Variants in MEGF11 observed in about 807,000 individuals in gnomAD.
MEGF11 encodes the protein multiple epidermal growth factor-like domains protein 11.
Under a neutral mutation model 146.6 loss-of-function variants are expected in MEGF11, and 126 were observed. The ratio of observed to expected loss-of-function variants is 0.86; its 90% CI spans 0.74 to 1.00. The LOEUF (loss-of-function observed/expected upper bound fraction) is 1.00, where lower values mean the gene tolerates loss of function less well. Ranked by LOEUF, MEGF11 falls within the 50% of genes least tolerant of loss-of-function variation. MEGF11 has a pLI of 0.00. For synonymous variants in MEGF11, 532 were observed against 583.4 expected, an observed-to-expected ratio of 0.91 and a Z score of 1.27; for missense variants, 1,509 against 1,521.2, an observed-to-expected ratio of 0.99 and a Z score of 0.13.
chr15:66,092,145 C>A (rs2086348065), intron 5 of MEGF11, among the ~76,000 whole-genome samples: 2 of 152,194 alleles, frequency 1.3e-5, no homozygotes, highest in Non-Finnish European at 2.9e-5. Context: ...TAGATTTCCA[C>A]TGCAGAGAAG....
At chr15:66,211,491 T>C (rs2091450538) in intron 1 of MEGF11, among the ~76,000 whole-genome samples, 1 of 140,734 alleles carries the variant, frequency 7.1e-6, no homozygotes, top group African/African-American at 2.7e-5. Flanking sequence ...ACCACTGCAC[T>C]CCAGCCTGGG....
chr15:66,123,471 C>T (rs768949270), intron 3 of MEGF11, among the ~76,000 whole-genome samples: 10 of 152,062 alleles, frequency 6.6e-5, no homozygotes, highest in South Asian at 2.1e-4. Context: ...TAGGAAGTAC[C>T]GGTAGGAGGA....
intron 7 of MEGF11, among the ~76,000 whole-genome samples, chr15:65,972,952 TAATAAA>T (rs891041995): frequency 1.4e-4 from 21 of 152,176 alleles, no homozygotes; most frequent in Admixed American, 2.0e-4. Context: ...ACCCCGTCTC[TAATAAA>T]AATACAAAAT....
intron 1 of MEGF11, among the ~76,000 whole-genome samples, chr15:66,251,834 C>A (rs1290138679): frequency 6.6e-6 from 1 of 152,188 alleles, no homozygotes. Flanking sequence ...AGATTGCAGT[C>A]CTAGACCTCG....
intron 4 of MEGF11, among the ~76,000 whole-genome samples, chr15:66,105,910 C>G (rs1384809046): frequency 2.0e-5 from 3 of 152,190 alleles, no homozygotes; most frequent in Admixed American, 2.0e-4. Flanking sequence ...TTTCAGTTGC[C>G]GCCACTCTGG....
Position 66,069,903 on chromosome 15 carries a change from T to C in MEGF11, c.394+24499A>G, listed in dbSNP as rs557513598. 3.9e-5 allele frequency among the ~76,000 whole-genome samples: 6 copies of C among 152,266 alleles called. No individual in the cohort carries two copies. The South Asian group carries it at 1.0e-3, about 26-fold the overall frequency. ...CAGTCACAGGCAATCCAGAAATGAATAGGGATGGCTGTGTTCCAATAAAAC... is the reference window on the plus strand; with the variant it reads ...CAGTCACAGGCAATCCAGAAATGAACAGGGATGGCTGTGTTCCAATAAAAC... On this transcript the variant is annotated intron_variant, in intron 5 of 25. Transcript: ENST00000395614.
At chr15:65,966,966 G>A (rs1286396242) in intron 8 of MEGF11, 1 of 152,086 alleles carries the variant, frequency 6.6e-6, no homozygotes, top group Non-Finnish European at 1.5e-5. Context: ...AGAGGGGGAT[G>A]ACTTCTGGCA....
chr15:66,073,386 C>T (rs962510320), intron 5 of MEGF11, among the ~76,000 whole-genome samples: 12 of 152,194 alleles, frequency 7.9e-5, no homozygotes, highest in East Asian at 1.9e-4. Flanking sequence ...CCACAGCTTC[C>T]GGGAACCCAG....
At chr15:66,050,001 A>G (rs2084385527) in intron 5 of MEGF11, among the ~76,000 whole-genome samples, 1 of 152,270 alleles carries the variant, frequency 6.6e-6, no homozygotes, top group Admixed American at 6.5e-5. Flanking sequence ...CTGAGGATAC[A>G]GTCAAGAATT....
intron 1 of MEGF11, among the ~76,000 whole-genome samples, chr15:66,234,954 TG>T (rs1216619532): frequency 6.6e-6 from 1 of 152,182 alleles, no homozygotes; most frequent in African/African-American, 2.4e-5. Context: ...ACTCAGGGTC[TG>T]GTGATGTCAT....
At chr15:65,960,619 T>TGGCTGCAGCCATCAGCTCTGCTG (rs2080826105) in intron 9 of MEGF11, among the ~76,000 whole-genome samples, 1 of 152,248 alleles carries the variant, frequency 6.6e-6, no homozygotes, top group Admixed American at 6.5e-5. Context: ...TGGCAGGTCT[T>TGGCTGCAGCCATCAGCTCTGCTG]GGCTGCAGCC....
intron 4 of MEGF11, among the ~76,000 whole-genome samples, chr15:66,106,802 C>A (rs913198376): frequency 6.6e-6 from 1 of 152,204 alleles, no homozygotes; most frequent in Non-Finnish European, 1.5e-5. Flanking sequence ...GAGGTCCAGA[C>A]ATATCACATC....
chr15:66,212,741 T>C (rs887756889), intron 1 of MEGF11, among the ~76,000 whole-genome samples: 13 of 152,068 alleles, frequency 8.5e-5, no homozygotes, highest in African/African-American at 3.1e-4. Context: ...GCAGATGTCC[T>C]GAGGTGGCAG....
chr15:66,187,683 G>A (rs2090747653), intron 1 of MEGF11, among the ~76,000 whole-genome samples: 1 of 71,970 alleles, frequency 1.4e-5, no homozygotes, highest in Non-Finnish European at 2.5e-5. Context: ...ATGGAACAGA[G>A]AGAAAAATGC....
chr15:66,005,970 C>G (rs2082507788), intron 5 of MEGF11, among the ~76,000 whole-genome samples: 1 of 152,214 alleles, frequency 6.6e-6, no homozygotes, highest in African/African-American at 2.4e-5. Flanking sequence ...TAAAATCGAT[C>G]CACCGAAATG....
chr15:66,148,227 G>A (rs902984137), intron 1 of MEGF11, among the ~76,000 whole-genome samples: 5 of 152,072 alleles, frequency 3.3e-5, no homozygotes, highest in Non-Finnish European at 5.9e-5. Context: ...GTGATGTAGG[G>A]AAAAGAAAGG....
At chr15:66,053,824 G>A (rs2084563773) in intron 5 of MEGF11, among the ~76,000 whole-genome samples, 1 of 147,370 alleles carries the variant, frequency 6.8e-6, no homozygotes, top group African/African-American at 2.5e-5. Flanking sequence ...ACCTCCCTGG[G>A]CTCAGGTGAT....
rs144323779 is a variant in MEGF11 at position 66,042,081 on chromosome 15, G to A, written c.394+52321C>T. Among the ~76,000 whole-genome samples, 360 of 149,450 alleles carry A rather than the reference G, an allele frequency of 2.4e-3. 1 individual carries two copies. Among genetic ancestry groups the A allele is most frequent in the Middle Eastern group, 0.014 (4 of 290 alleles). On this transcript the variant is annotated intron_variant, in intron 5 of 25. Transcript: ENST00000395614. ...GAGGGAGGTATTTGGTCATGTAGCA[G>A]AGACAGAATGCACAGATTTCTTTCC...
intron 1 of MEGF11, among the ~76,000 whole-genome samples, chr15:66,149,127 C>A (rs894418422): frequency 2.0e-5 from 3 of 152,202 alleles, no homozygotes; most frequent in East Asian, 1.9e-4. Context: ...TCCTTTCTGG[C>A]CCCTCATCTT....
Sources: gnomAD v4.1 joint callset for allele counts (sites outside exome capture counted in the v4.1 genomes callset) on GRCh38, gnomAD v4.1.1 for gene constraint, MANE v1.5 for transcripts, NCBI Gene and HGNC (gene_info 2026-07-23, HGNC 2026-07-21) for gene names.